CRYM: variants seen among roughly 807,000 people sequenced by gnomAD.
CRYM encodes ketimine reductase mu-crystallin.
A neutral mutation model predicts 32.9 loss-of-function variants in CRYM; 18 were observed. The observed-to-expected ratio is 0.55, with a 90% CI of 0.38 to 0.81. CRYM has a LOEUF of 0.81. CRYM is among the 30% of genes least tolerant of loss of function. CRYM has a pLI of 0.00. For missense variants in CRYM, 337 were observed against 393.5 expected, an observed-to-expected ratio of 0.86 and a Z score of 1.21; for synonymous variants, 153 against 152.4, an observed-to-expected ratio of 1.00 and a Z score of -0.03.
chr16:21,296,691 T>A (rs1309423256), intron 1 of CRYM, among the ~76,000 whole-genome samples: 1 of 152,106 alleles, frequency 6.6e-6, no homozygotes, highest in Non-Finnish European at 1.5e-5. Flanking sequence ...AACAAGAAGG[T>A]CTTATGCCAG....
chr16:21,292,517 A>AGGGG (rs1218450255), intron 1 of CRYM, among the ~76,000 whole-genome samples: 1 of 152,166 alleles, frequency 6.6e-6, no homozygotes, highest in African/African-American at 2.4e-5. Flanking sequence ...ATACGCTCAA[A>AGGGG]ACAATCTCAA....
At chr16:21,272,948 G>A (rs906260809) in intron 3 of CRYM, among the ~76,000 whole-genome samples, 1 of 150,274 alleles carries the variant, frequency 6.7e-6, no homozygotes, top group African/African-American at 2.4e-5. Context: ...GATTGCAGGC[G>A]TGAGCCACTG....
At chr16:21,272,177 T>C (rs2093376954) in intron 3 of CRYM, among the ~76,000 whole-genome samples, 3 of 152,220 alleles carry the variant, frequency 2.0e-5, no homozygotes, top group Admixed American at 1.3e-4. Flanking sequence ...TTTAATCATA[T>C]GTTTATAAGA....
Position 21,269,779 on chromosome 16 carries a change from C to CCCCG in CRYM, c.489+10_489+11insCGGG. 6.9e-7 allele frequency: 1 copy of CCCCG among 1,454,142 alleles called. No individual in the cohort carries two copies. The highest frequency in any genetic ancestry group is 1.4e-5 in the African/African-American group (1 of 71,320). 90.1% of individuals were successfully genotyped at this position (1,454,142 alleles called of 1,614,324 possible). A position where few individuals can be genotyped will look rare whatever the true frequency, so the allele number is the denominator to read the frequency against. On this transcript the variant is annotated intron_variant, in intron 4 of 7. Transcript: ENST00000572914. The stretch of plus-strand genomic sequence containing the variant: ...TTCCCTCTTCTCTCCCACCCCCACC[C>CCCCG]CTGGACTTACCTCCTTAAAGGAGAA...
intron 1 of CRYM, chr16:21,283,532 T>C (rs1245682237): frequency 1.3e-5 from 2 of 152,042 alleles, no homozygotes; most frequent in African/African-American, 4.8e-5. Context: ...CCAAGGCGCG[T>C]GTCTCATTCC....
chr16:21,274,175 C>T (rs1483970981), intron 3 of CRYM, among the ~76,000 whole-genome samples: 2 of 152,196 alleles, frequency 1.3e-5, no homozygotes, highest in Admixed American at 6.5e-5. Context: ...CCCACAGACA[C>T]CCTGTTTCCT....
chr16:21,285,311 A>T (rs995883760), intron 1 of CRYM, among the ~76,000 whole-genome samples: 3 of 152,216 alleles, frequency 2.0e-5, no homozygotes, highest in African/African-American at 7.2e-5. Context: ...TTTGGATTAG[A>T]CTTTTAAAAG....
At chr16:21,264,342 T>C (rs1202846320) in intron 5 of CRYM, among the ~76,000 whole-genome samples, 2 of 152,334 alleles carry the variant, frequency 1.3e-5, no homozygotes, top group East Asian at 3.9e-4. Context: ...CCACTGCTTA[T>C]GAGCCGGGCG....
In CRYM at chr16:21,258,731, CCAG is replaced by C; in HGVS notation, c.*47_*49del. The C allele has an allele frequency of 6.7e-7, 1 of 1,498,552 alleles. No homozygotes were observed. The highest frequency in any genetic ancestry group is 9.3e-7 in the Non-Finnish European group (1 of 1,075,484). 92.8% of individuals were successfully genotyped at this position (1,498,552 alleles called of 1,614,324 possible). A position where few individuals can be genotyped will look rare whatever the true frequency, so the allele number is the denominator to read the frequency against. ...TCATTTACTCTAGAAATTATGAGAA[CCAG>C]CAGCAATATTCCTCAAGCATCCATC... is the stretch of plus-strand genomic sequence containing the variant. On this transcript the variant is annotated 3_prime_UTR_variant, in exon 8 of 8. Transcript: ENST00000572914.
chr16:21,288,120 C>T (rs937837320), intron 1 of CRYM, among the ~76,000 whole-genome samples: 1 of 152,152 alleles, frequency 6.6e-6, no homozygotes, highest in Non-Finnish European at 1.5e-5. Flanking sequence ...TTGTAGGACA[C>T]CCAGTTGGGG....
In CRYM at chr16:21,258,530, G is replaced by T; in HGVS notation, c.*251C>A. 1 of 542,882 alleles carries T rather than the reference G, an allele frequency of 1.8e-6. No homozygotes were observed. The highest frequency in any genetic ancestry group is 3.3e-6 in the Non-Finnish European group (1 of 303,232). 33.6% of individuals were successfully genotyped at this position (542,882 alleles called of 1,614,324 possible). A position where few individuals can be genotyped will look rare whatever the true frequency, so the allele number is the denominator to read the frequency against. On this transcript the variant is annotated 3_prime_UTR_variant, in exon 8 of 8. Coordinates refer to ENST00000572914, the MANE Select transcript of CRYM (RefSeq NM_001376256.1). Reference sequence around the variant, plus strand: ...TTACCGAAGCAAACACTGCACAATTGGAATGTGCTTTATTTCAGGGAAATA... The same window carrying T: ...TTACCGAAGCAAACACTGCACAATTTGAATGTGCTTTATTTCAGGGAAATA...
intron 1 of CRYM, among the ~76,000 whole-genome samples, chr16:21,290,629 A>G (rs1960621998): frequency 6.6e-6 from 1 of 152,168 alleles, no homozygotes; most frequent in Admixed American, 6.5e-5. Flanking sequence ...TTTTCCAGTA[A>G]TTTGAACTCA....
At chr16:21,269,537 G>A (rs548514565) in intron 4 of CRYM, among the ~76,000 whole-genome samples, 21 of 152,284 alleles carry the variant, frequency 1.4e-4, no homozygotes, top group Admixed American at 8.5e-4. Context: ...TCTTTTAACC[G>A]AGTAAGCTTG....
At position 21,269,848 on chromosome 16, in the gene CRYM, G is replaced by A. The variant is rs1263556887; in HGVS notation, c.431C>T (p.Ala144Val). ...PSSEVLCILG[A>V]GVQAYSHYEI... ...ATAATGGCTGTAGGCCTGGACCCCAGCCCCAAGGATGCACAGCACTTCACT... is the reference window on the plus strand; with the variant it reads ...ATAATGGCTGTAGGCCTGGACCCCAACCCCAAGGATGCACAGCACTTCACT... Residue 144 changes from alanine (A) to valine (V), a missense_variant, in exon 4 of 8, where the codon GCT becomes GTT. Transcript: ENST00000572914. 2.7e-6 allele frequency: 4 copies of A among 1,502,806 alleles called. No homozygotes were observed. Among genetic ancestry groups the A allele is most frequent in the Admixed American group, 3.7e-5 (2 of 54,534 alleles). The allele number at this position is 1,502,806 out of a possible 1,614,324, so 93.1% of individuals were successfully genotyped here.
rs2075628 is a variant in CRYM at position 21,277,702 on chromosome 16, G to A, written c.171-118C>T. The stretch of plus-strand genomic sequence containing the variant: ...TCACCACCCCACTGGCCCTCTTCCA[G>A]CCCCCGCATCCCTCTGCCCTTCCCT... On this transcript the variant is annotated intron_variant, in intron 1 of 7. Coordinates refer to ENST00000572914, the MANE Select transcript of CRYM (RefSeq NM_001376256.1). This position sits in a 1 kb window ranked among gnomAD's most constrained non-coding sequence, Gnocchi z 4.2. 0.14 allele frequency: 157,754 copies of A among 1,121,492 alleles called. 11,523 individuals are homozygous for A. The highest frequency in any genetic ancestry group is 0.23 in the East Asian group (8,991 of 39,516). The allele number at this position is 1,121,492 out of a possible 1,614,324, so 69.5% of individuals were successfully genotyped here.
chr16:21,276,464 G>C (rs1040369915), intron 2 of CRYM, among the ~76,000 whole-genome samples: 1 of 152,226 alleles, frequency 6.6e-6, no homozygotes, highest in Non-Finnish European at 1.5e-5. Context: ...GAGGGACATT[G>C]TAAGACCCAG....
intron 3 of CRYM, among the ~76,000 whole-genome samples, chr16:21,270,283 C>T (rs202107681): frequency 2.0e-5 from 3 of 146,970 alleles, no homozygotes; most frequent in South Asian, 4.4e-4. Context: ...TTCTTTCTTT[C>T]TTTCTTTTCT....
At chr16:21,289,586 G>C (rs1034396278) in intron 1 of CRYM, among the ~76,000 whole-genome samples, 1 of 152,114 alleles carries the variant, frequency 6.6e-6, no homozygotes, top group African/African-American at 2.4e-5. Context: ...CACTGATAGG[G>C]AAAGACATAC....
chr16:21,273,632 T>C (rs1205799933), intron 3 of CRYM, among the ~76,000 whole-genome samples: 1 of 152,222 alleles, frequency 6.6e-6, no homozygotes, highest in Non-Finnish European at 1.5e-5. Flanking sequence ...AAACTTCTTA[T>C]CTGGGACAAG....
Sources: allele counts gnomAD v4.1 joint callset (sites outside exome capture counted in the v4.1 genomes callset), GRCh38; gene constraint gnomAD v4.1.1; non-coding constraint Gnocchi (gnomAD v3.1); transcripts MANE v1.5; gene names NCBI Gene and HGNC (gene_info 2026-07-23, HGNC 2026-07-21).